The following HS3ST3A1 variants were observed in gnomAD, a reference collection of about 807,000 sequenced individuals.
HS3ST3A1 encodes heparan sulfate-glucosamine 3-sulfotransferase 3A1, also known as heparan sulfate glucosamine 3-O-sulfotransferase 3A1.
Under a neutral mutation model 25.7 loss-of-function variants are expected in HS3ST3A1, and 19 were observed. The observed-to-expected ratio is 0.74, with a 90% CI of 0.52 to 1.08. HS3ST3A1 has a LOEUF of 1.08. Ranked by LOEUF, HS3ST3A1 falls within the 50% of genes least tolerant of loss-of-function variation. The pLI, the probability that HS3ST3A1 is intolerant of heterozygous loss-of-function variation, is 0.00. For missense variants in HS3ST3A1, 459 were observed against 594.3 expected (o/e 0.77, Z 2.37); for synonymous variants, 226 against 278.6 (o/e 0.81, Z 1.88).
chr17:13,503,568 A>T (rs939814306), intron 1 of HS3ST3A1, among the ~76,000 whole-genome samples: 5 of 152,242 alleles, frequency 3.3e-5, no homozygotes, highest in Non-Finnish European at 7.3e-5. Context: ...TTAGGTGTCA[A>T]CTAAAAATGA....
chr17:13,572,813 C>A (rs1907853067), intron 1 of HS3ST3A1, among the ~76,000 whole-genome samples: 1 of 152,208 alleles, frequency 6.6e-6, no homozygotes, highest in Non-Finnish European at 1.5e-5. Context: ...TTGAGCAAAA[C>A]ACAAACTCAA....
chr17:13,578,285 C>T (rs1459041151), intron 1 of HS3ST3A1, among the ~76,000 whole-genome samples: 3 of 150,858 alleles, frequency 2.0e-5, no homozygotes, highest in African/African-American at 4.9e-5. Context: ...TGGTGGCTCA[C>T]GCCTGTAATC....
chr17:13,592,079 G>A (rs1474901268), intron 1 of HS3ST3A1, among the ~76,000 whole-genome samples: 1 of 152,164 alleles, frequency 6.6e-6, no homozygotes, highest in African/African-American at 2.4e-5. Context: ...TTGCTATGTA[G>A]GCAGGTAGCA....
intron 1 of HS3ST3A1, among the ~76,000 whole-genome samples, chr17:13,540,284 C>T (rs1314291871): frequency 6.6e-6 from 1 of 152,136 alleles, no homozygotes; most frequent in Admixed American, 6.5e-5. Context: ...TTTTCCCTTT[C>T]TGAGTTCTTG....
At chr17:13,531,826 G>A (rs1198451427) in intron 1 of HS3ST3A1, among the ~76,000 whole-genome samples, 1 of 152,068 alleles carries the variant, frequency 6.6e-6, no homozygotes, top group Non-Finnish European at 1.5e-5. Context: ...ATGAATCTGT[G>A]AAAAATCTCT....
At chr17:13,529,950 G>T (rs1906551900) in intron 1 of HS3ST3A1, among the ~76,000 whole-genome samples, 1 of 151,744 alleles carries the variant, frequency 6.6e-6, no homozygotes, top group Non-Finnish European at 1.5e-5. Context: ...AAAAAAATGA[G>T]TTCTAGTGCT....
chr17:13,547,506 G>A (rs912056741), intron 1 of HS3ST3A1, among the ~76,000 whole-genome samples: 1 of 152,114 alleles, frequency 6.6e-6, no homozygotes, highest in African/African-American at 2.4e-5. Context: ...TTCCATAAAA[G>A]CCCCTAAACA....
chr17:13,545,411 C>A (rs1003286515), intron 1 of HS3ST3A1, among the ~76,000 whole-genome samples: 4 of 152,192 alleles, frequency 2.6e-5, no homozygotes, highest in South Asian at 2.1e-4. Context: ...TTATTTCTGG[C>A]CTTTTCTCTT....
intron 1 of HS3ST3A1, among the ~76,000 whole-genome samples, chr17:13,576,486 T>G (rs1278108715): frequency 6.6e-6 from 1 of 152,204 alleles, no homozygotes; most frequent in Non-Finnish European, 1.5e-5. Context: ...GCACAATATT[T>G]TAACAAGCCA....
chr17:13,502,139 G>A (rs1286928285), intron 1 of HS3ST3A1, among the ~76,000 whole-genome samples: 3 of 152,092 alleles, frequency 2.0e-5, no homozygotes, highest in Non-Finnish European at 1.5e-5. Context: ...TAAGGGTCTC[G>A]GGGCCTAGGG....
intron 1 of HS3ST3A1, among the ~76,000 whole-genome samples, chr17:13,502,880 GAAA>G (rs35611722): frequency 1.2e-4 from 17 of 144,012 alleles, no homozygotes; most frequent in Admixed American, 5.5e-4. Flanking sequence ...TAACTATAAT[GAAA>G]AAAAAAAAAA....
intron 1 of HS3ST3A1, among the ~76,000 whole-genome samples, chr17:13,567,050 G>T (rs1408569859): frequency 1.3e-5 from 2 of 152,198 alleles, no homozygotes; most frequent in Non-Finnish European, 2.9e-5. Context: ...TTAATACCTG[G>T]CTTCAAAGTT....
chr17:13,556,523 T>G (rs570924340), intron 1 of HS3ST3A1, among the ~76,000 whole-genome samples: 8 of 144,808 alleles, frequency 5.5e-5, no homozygotes, highest in South Asian at 2.2e-4. Flanking sequence ...AGAAATAAAA[T>G]AAAAGAAAAT....
intron 1 of HS3ST3A1, among the ~76,000 whole-genome samples, chr17:13,535,178 T>G (rs939685262): frequency 6.6e-6 from 1 of 152,258 alleles, no homozygotes; most frequent in Non-Finnish European, 1.5e-5. Flanking sequence ...TATGTGTTTC[T>G]GTTTAAAGAC....
rs555013021 is a variant in HS3ST3A1 at position 13,576,034 on chromosome 17, G to A, written c.599+24497C>T. Among the ~76,000 whole-genome samples, 15 of 152,330 alleles carry A rather than the reference G, an allele frequency of 9.8e-5. No homozygotes were observed. The East Asian group carries it at 1.2e-3, about 12-fold the overall frequency. ...AAGCCTACTGCATTGGTATTTCTGG[G>A]ACTGAGGCCCAGGAACTTGAGTTTT... is the stretch of plus-strand genomic sequence containing the variant. On this transcript the variant is annotated intron_variant, in intron 1 of 1. Coordinates refer to ENST00000284110, the MANE Select transcript of HS3ST3A1 (RefSeq NM_006042.3).
chr17:13,522,151 A>G (rs1336238099), intron 1 of HS3ST3A1, among the ~76,000 whole-genome samples: 3 of 152,186 alleles, frequency 2.0e-5, no homozygotes, highest in Non-Finnish European at 4.4e-5. Context: ...AGCATAAGAG[A>G]AGTAATTGTT....
intron 1 of HS3ST3A1, among the ~76,000 whole-genome samples, chr17:13,546,019 C>A (rs1907079233): frequency 1.3e-5 from 2 of 152,040 alleles, no homozygotes; most frequent in Admixed American, 1.3e-4. Flanking sequence ...TGATCTCCAG[C>A]CTCTTGCCAG....
In HS3ST3A1 at chr17:13,592,562, A is replaced by T. The variant is rs1174499894; in HGVS notation, c.599+7969T>A. Among the ~76,000 whole-genome samples, 3 of 152,234 alleles carry T rather than the reference A, an allele frequency of 2.0e-5. No homozygotes were observed. The East Asian group carries it at 5.8e-4, about 29-fold the overall frequency. The stretch of plus-strand genomic sequence containing the variant: ...TCACAGAAATTATTTTTAACTACAT[A>T]AGCATTTGCAGTCTATCCCTTGCAC... On this transcript the variant is annotated intron_variant, in intron 1 of 1. Transcript: ENST00000284110.
chr17:13,569,755 T>C lies in HS3ST3A1; in HGVS notation c.599+30776A>G, dbSNP rs56397516. ...TGTAAATTCAATCCCTTGGGAAAGG[T>C]AGTGAAACAAAAAGTAAAATATAAC... On this transcript the variant is annotated intron_variant, in intron 1 of 1. Transcript: ENST00000284110. Among the ~76,000 whole-genome samples the C allele has an allele frequency of 3.5e-3, 531 of 152,354 alleles. 4 individuals are homozygous for C. Among genetic ancestry groups the C allele is most frequent in the African/African-American group, 0.012 (509 of 41,574 alleles).
Sources: gnomAD v4.1 joint callset for allele counts (sites outside exome capture counted in the v4.1 genomes callset) on GRCh38, gnomAD v4.1.1 for gene constraint, MANE v1.5 for transcripts, NCBI Gene and HGNC (gene_info 2026-07-23, HGNC 2026-07-21) for gene names.